ALCAM: variants seen among roughly 807,000 people sequenced by gnomAD.
ALCAM encodes activated leukocyte cell adhesion molecule.
A neutral mutation model predicts 70.9 loss-of-function variants in ALCAM; 30 were observed. That is an observed-to-expected ratio of 0.42 (90% CI 0.32 to 0.57). The LOEUF (loss-of-function observed/expected upper bound fraction) is 0.57. ALCAM is among the 20% of genes least tolerant of loss of function. The pLI is 0.11. For missense variants in ALCAM, 591 were observed against 695.1 expected (o/e 0.85, Z 1.68); for synonymous variants, 249 against 242.5 (o/e 1.03, Z -0.25).
intron 15 of ALCAM, among the ~76,000 whole-genome samples, chr3:105,574,074 C>G (rs531022251): frequency 6.6e-6 from 1 of 152,058 alleles, no homozygotes; most frequent in South Asian, 2.1e-4. Context: ...GTTCTTTTCC[C>G]CAGTCCTTTG....
Position 105,534,810 on chromosome 3 carries a change from C to A in ALCAM, c.695C>A (p.Thr232Lys). ...TATTATGGACCATCTGGCCAGAAAA[C>A]AATTCATTCTGAACAGGCAGTATTT... The part of the protein sequence containing the change: ...VTYYGPSGQK[T>K]IHSEQAVFDI... The change falls in exon 6 of 16, where the codon ACA becomes AAA. Residue 232 changes from threonine (T) to lysine (K), a missense_variant. Transcript: ENST00000306107. The A allele has an allele frequency of 6.2e-7, 1 of 1,613,548 alleles. No homozygotes were observed. Among genetic ancestry groups the A allele is most frequent in the Non-Finnish European group, 8.5e-7 (1 of 1,179,716 alleles).
chr3:105,388,487 C>G (rs1481799308), intron 1 of ALCAM, among the ~76,000 whole-genome samples: 1 of 151,542 alleles, frequency 6.6e-6, no homozygotes, highest in African/African-American at 2.4e-5. Flanking sequence ...ATACTCCAAG[C>G]AGAGATGTTC....
At chr3:105,423,225 G>C (rs912999365) in intron 1 of ALCAM, among the ~76,000 whole-genome samples, 9 of 151,014 alleles carry the variant, frequency 6.0e-5, no homozygotes, top group African/African-American at 2.2e-4. Flanking sequence ...TTGGTTCTTT[G>C]AGAAATCCTC....
intron 8 of ALCAM, among the ~76,000 whole-genome samples, chr3:105,543,961 A>G (rs1940182728): frequency 6.6e-6 from 1 of 151,676 alleles, no homozygotes; most frequent in Non-Finnish European, 1.5e-5. Context: ...CTGTGGATAT[A>G]TCAGTGACAA....
chr3:105,521,529 TC>T (rs1345087631), intron 2 of ALCAM, among the ~76,000 whole-genome samples: 8 of 152,166 alleles, frequency 5.3e-5, no homozygotes, highest in African/African-American at 1.9e-4. Context: ...TTTAACACAG[TC>T]TTTTAAAATA....
At chr3:105,536,651 G>A (rs1397791601) in intron 6 of ALCAM, among the ~76,000 whole-genome samples, 1 of 152,092 alleles carries the variant, frequency 6.6e-6, no homozygotes, top group Admixed American at 6.6e-5. Context: ...GCCACAGTGG[G>A]CTTCATGGTG....
chr3:105,443,869 C>T (rs905134166), intron 1 of ALCAM, among the ~76,000 whole-genome samples: 1 of 152,014 alleles, frequency 6.6e-6, no homozygotes. Flanking sequence ...TCATTCAATC[C>T]ACACCCAATT....
chr3:105,534,203 G>A (rs1348399919), intron 5 of ALCAM, among the ~76,000 whole-genome samples: 2 of 152,126 alleles, frequency 1.3e-5, no homozygotes, highest in Non-Finnish European at 2.9e-5. Context: ...GAAGCTTCTT[G>A]TGGTTGCCCA....
chr3:105,367,287 T>C lies in ALCAM; in HGVS notation c.-122T>C, dbSNP rs1308034314. ...GCGCCACAGCCCAGGGGACGGTGTG[T>C]CTGGGAGAAGACGCTGCCCCTGCGT... On this transcript the variant is annotated 5_prime_UTR_variant, in exon 1 of 16. Coordinates refer to ENST00000306107, the MANE Select transcript of ALCAM (RefSeq NM_001627.4). The C allele has an allele frequency of 4.4e-6, 4 of 912,350 alleles. No homozygotes were observed. In the African/African-American group the frequency reaches 6.6e-5, roughly 15 times the overall value. The allele number at this position is 912,350 out of a possible 1,614,324, so 56.5% of individuals were successfully genotyped here. A position where few individuals can be genotyped will look rare whatever the true frequency, so the allele number is the denominator to read the frequency against.
intron 1 of ALCAM, among the ~76,000 whole-genome samples, chr3:105,459,383 C>A (rs767501204): frequency 6.6e-6 from 1 of 151,902 alleles, no homozygotes; most frequent in Non-Finnish European, 1.5e-5. Context: ...TTTTTGTGTC[C>A]TTGCATTATT....
rs373581286 is a variant in ALCAM at position 105,456,512 on chromosome 3, G to A, written c.74-63555G>A. On this transcript the variant is annotated intron_variant, in intron 1 of 15. Transcript: ENST00000306107. ...ATTCCCAGAAAAAAATTCATAGTTTGTGTGATAATTCTTTATTCAAGCTTG... is the reference window on the plus strand; with the variant it reads ...ATTCCCAGAAAAAAATTCATAGTTTATGTGATAATTCTTTATTCAAGCTTG... Among the ~76,000 whole-genome samples the A allele has an allele frequency of 5.9e-5, 9 of 152,120 alleles. No individual in the cohort carries two copies. In the South Asian group the frequency reaches 1.2e-3, roughly 21 times the overall value.
Position 105,554,545 on chromosome 3 carries a change from A to C in ALCAM, c.1664+1960A>C, listed in dbSNP as rs561982579. ...GTTTGACCAAATGTCTGTGTACCAC[A>C]TGACCCAGTCAAGTTGACACATAAA... On this transcript the variant is annotated intron_variant, in intron 14 of 15. Transcript: ENST00000306107. Among the ~76,000 whole-genome samples, 5 of 152,096 alleles carry C rather than the reference A, an allele frequency of 3.3e-5. No homozygotes were observed. The East Asian group carries it at 9.7e-4, about 29-fold the overall frequency.
intron 1 of ALCAM, among the ~76,000 whole-genome samples, chr3:105,490,771 C>A (rs1938560270): frequency 6.6e-6 from 1 of 152,192 alleles, no homozygotes; most frequent in Admixed American, 6.5e-5. Context: ...CCTTGGGCAA[C>A]CCTTCCCCTG....
At chr3:105,547,662 A>G (rs1940285878) in intron 11 of ALCAM, 139 bp downstream of exon 11, 1 of 1,043,806 alleles carries the variant, frequency 9.6e-7, no homozygotes, top group Non-Finnish European at 1.4e-6. Context: ...TAGAATTTGC[A>G]GTACATGCTC....
intron 1 of ALCAM, among the ~76,000 whole-genome samples, chr3:105,381,848 C>T (rs113387509): frequency 4.0e-5 from 6 of 151,748 alleles, no homozygotes; most frequent in African/African-American, 1.2e-4. Flanking sequence ...TCTTTTCTCC[C>T]CTCTGCCATC....
intron 1 of ALCAM, among the ~76,000 whole-genome samples, chr3:105,493,265 A>G (rs890002490): frequency 6.6e-6 from 1 of 152,288 alleles, no homozygotes; most frequent in South Asian, 2.1e-4. Flanking sequence ...ATAAGAATCT[A>G]TAGGGGTATG....
chr3:105,469,478 G>A (rs1434395869), intron 1 of ALCAM, among the ~76,000 whole-genome samples: 1 of 150,886 alleles, frequency 6.6e-6, no homozygotes. Context: ...TAAATTGAAG[G>A]CAATGGAGAC....
chr3:105,551,855 T>C (rs147229497), intron 12 of ALCAM, among the ~76,000 whole-genome samples: 1 of 151,710 alleles, frequency 6.6e-6, no homozygotes, highest in East Asian at 1.9e-4. Flanking sequence ...AGGTGGTGGA[T>C]AGTGGGAAAA....
intron 1 of ALCAM, among the ~76,000 whole-genome samples, chr3:105,494,351 G>A (rs1938677382): frequency 6.6e-6 from 1 of 152,122 alleles, no homozygotes; most frequent in African/African-American, 2.4e-5. Context: ...AAAATAAAAT[G>A]TGACATCACT....
Sources: allele counts gnomAD v4.1 joint callset (sites outside exome capture counted in the v4.1 genomes callset), GRCh38; gene constraint gnomAD v4.1.1; transcripts MANE v1.5; gene names NCBI Gene and HGNC (gene_info 2026-07-23, HGNC 2026-07-21).